TTLL13: variants seen among roughly 807,000 people sequenced by gnomAD.
TTLL13 encodes tubulin polyglutamylase TTLL13.
the TTLL13 span, chr15:90,251,677 A>G: frequency 6.6e-7 from 1 of 1,513,714 alleles, no homozygotes; most frequent in East Asian, 2.3e-5. Flanking sequence ...TGGACCCCCG[A>G]TCAGGCTTCC....
chr15:90,257,271 A>G, the TTLL13 span: 2 of 1,611,906 alleles, frequency 1.2e-6, no homozygotes, highest in East Asian at 2.2e-5. Context: ...GAGCCCAGCC[A>G]TAACAACCTG....
At chr15:90,252,917 C>T in the TTLL13 span, among the ~76,000 whole-genome samples, 2 of 152,152 alleles carry the variant, frequency 1.3e-5, no homozygotes, top group African/African-American at 4.8e-5. Flanking sequence ...GCACGAGAAT[C>T]TCTTGAACCT....
the TTLL13 span, chr15:90,250,764 A>G: frequency 1.2e-6 from 2 of 1,614,238 alleles, no homozygotes; most frequent in Middle Eastern, 1.6e-4. Context: ...AAAGCTGACT[A>G]TAAGGCATTA....
At chr15:90,251,697 G>T in the TTLL13 span, 6 of 1,343,522 alleles carry the variant, frequency 4.5e-6, no homozygotes, top group South Asian at 7.1e-5. Context: ...CAGCCCCTGG[G>T]GCCTGGCGGG....
chr15:90,262,121 C>T, the TTLL13 span: 13 of 1,535,932 alleles, frequency 8.5e-6, no homozygotes, highest in East Asian at 7.3e-5. Context: ...GAAGTATGCC[C>T]GCTTCTTCAA....
At chr15:90,256,247 C>A in the TTLL13 span, 1 of 1,614,160 alleles carries the variant, frequency 6.2e-7, no homozygotes, top group Middle Eastern at 1.7e-4. Context: ...CCGAAATCCC[C>A]GGGAGATCAA....
the TTLL13 span, chr15:90,256,186 A>G: frequency 6.2e-7 from 1 of 1,614,192 alleles, no homozygotes; most frequent in Non-Finnish European, 8.5e-7. Flanking sequence ...AAGCCCGCAC[A>G]TATATCTGCA....
chr15:90,250,188 A>C, the TTLL13 span, among the ~76,000 whole-genome samples: 1 of 151,642 alleles, frequency 6.6e-6, no homozygotes, highest in South Asian at 2.1e-4. Context: ...CCAACTCCAG[A>C]CCTCAAGTGA....
the TTLL13 span, chr15:90,263,948 C>T: frequency 2.0e-6 from 3 of 1,534,068 alleles, no homozygotes; most frequent in Non-Finnish European, 1.7e-6. Context: ...CATCTGCAGC[C>T]CAAGAACTTC....
chr15:90,256,629 CCTTCCTTCCTTCTTTCTTT>C, the TTLL13 span, among the ~76,000 whole-genome samples: 1 of 69,234 alleles, frequency 1.4e-5, no homozygotes, highest in African/African-American at 5.5e-5. Flanking sequence ...TTCCTTCCTT[CCTTCCTTCCTTCTTTCTTT>C]CTCCCTTTCC....
chr15:90,258,097 G>C, the TTLL13 span: 2 of 1,614,186 alleles, frequency 1.2e-6, no homozygotes, highest in Non-Finnish European at 8.5e-7. Context: ...GGAGAGCTGT[G>C]GGGGGACATC....
the TTLL13 span, among the ~76,000 whole-genome samples, chr15:90,264,242 A>G: frequency 1.3e-5 from 2 of 152,122 alleles, no homozygotes; most frequent in Non-Finnish European, 2.9e-5. Flanking sequence ...CCAAGGCTGA[A>G]GTACAATGGC....
chr15:90,265,149 TG>T, the TTLL13 span: 1 of 1,238,076 alleles, frequency 8.1e-7, no homozygotes, highest in Non-Finnish European at 1.1e-6. Flanking sequence ...TAAGATTAAT[TG>T]GGGATCGGTA....
chr15:90,258,534 G>C, the TTLL13 span: 48 of 615,356 alleles, frequency 7.8e-5, no homozygotes, highest in South Asian at 8.3e-4. Flanking sequence ...ACACTATCTA[G>C]AGAGGCAGGC....
the TTLL13 span, chr15:90,255,863 C>A: frequency 6.2e-7 from 1 of 1,614,196 alleles, no homozygotes. Flanking sequence ...CATCTTCCCC[C>A]GCACCTGGTG....
the TTLL13 span, chr15:90,258,545 C>G: frequency 1.6e-6 from 1 of 617,104 alleles, no homozygotes; most frequent in East Asian, 2.7e-5. Flanking sequence ...AGAGGCAGGC[C>G]AGCTGATTTG....
At chr15:90,253,143 C>T in the TTLL13 span, 1 of 737,598 alleles carries the variant, frequency 1.4e-6, no homozygotes, top group South Asian at 2.2e-5. Flanking sequence ...CCTCCCTCTT[C>T]AACCTGCCCT....
chr15:90,254,472 G>C, the TTLL13 span, among the ~76,000 whole-genome samples: 1 of 144,064 alleles, frequency 6.9e-6, no homozygotes, highest in Non-Finnish European at 1.5e-5. Flanking sequence ...CAGCCTGGGT[G>C]ACAGAGTGAG....
the TTLL13 span, among the ~76,000 whole-genome samples, chr15:90,256,562 TTTCTTTCTTTCTTTC>T: frequency 2.3e-5 from 1 of 43,438 alleles, no homozygotes. Flanking sequence ...TCTTTCTTTC[TTTCTTTCTTTCTTTC>T]TTTCTTTCTT....
Sources: gnomAD v4.1 joint callset for allele counts (sites outside exome capture counted in the v4.1 genomes callset) on GRCh38, gnomAD v4.1.1 for gene constraint, MANE v1.5 for transcripts, NCBI Gene and HGNC (gene_info 2026-07-23, HGNC 2026-07-21) for gene names.